Variants in ADK observed in about 807,000 individuals in gnomAD.
ADK encodes the protein N6,N6-dimethyladenosine kinase.
A neutral mutation model predicts 44.7 loss-of-function variants in ADK; 24 were observed. The ratio of observed to expected loss-of-function variants is 0.54; its 90% CI spans 0.39 to 0.76. The LOEUF (loss-of-function observed/expected upper bound fraction) is 0.76, where lower values mean the gene tolerates loss of function less well. Ranked by LOEUF, ADK falls within the 30% of genes least tolerant of loss-of-function variation. The probability of loss-of-function intolerance (pLI) is 0.00; values close to 1 mark genes in which losing one functional copy is unlikely to be tolerated. For missense variants in ADK, 321 were observed against 425.1 expected, an observed-to-expected ratio of 0.76 and a Z score of 2.15; for synonymous variants, 128 against 142.6, an observed-to-expected ratio of 0.90 and a Z score of 0.73.
Position 74,443,818 on chromosome 10 carries a change from A to G in ADK, c.555+45239A>G, listed in dbSNP as rs374822174. ...GGAGATTAATATTTAAACGTACATT[A>G]TAATATGAAAGGCATGAATTTAGAT... On this transcript the variant is annotated intron_variant, in intron 6 of 10. Coordinates refer to ENST00000539909, the MANE Select transcript of ADK (RefSeq NM_006721.4). Among the ~76,000 whole-genome samples, 178 of 152,304 alleles carry G rather than the reference A, an allele frequency of 1.2e-3. 4 individuals carry two copies. The South Asian group carries it at 0.034, about 29-fold the overall frequency.
At chr10:74,705,642 C>T (rs1219516686) in intron 10 of ADK, among the ~76,000 whole-genome samples, 4 of 152,202 alleles carry the variant, frequency 2.6e-5, no homozygotes, top group Non-Finnish European at 2.9e-5. Flanking sequence ...CTTTCACCTA[C>T]CTTGGGTAAA....
chr10:74,689,048 G>A (rs1855890914), intron 10 of ADK, among the ~76,000 whole-genome samples: 3 of 152,072 alleles, frequency 2.0e-5, no homozygotes, highest in Non-Finnish European at 2.9e-5. Context: ...AGGAGATCGA[G>A]ACCATCCTGG....
At chr10:74,494,777 C>A (rs1354808353) in intron 6 of ADK, among the ~76,000 whole-genome samples, 1 of 152,166 alleles carries the variant, frequency 6.6e-6, no homozygotes, top group Non-Finnish European at 1.5e-5. Flanking sequence ...ATTCTCCTGC[C>A]TCAGCCTCCC....
Position 74,419,222 on chromosome 10 carries a change from C to T in ADK, c.555+20643C>T, listed in dbSNP as rs532877237. Among the ~76,000 whole-genome samples the T allele has an allele frequency of 5.7e-4, 87 of 152,110 alleles. No individual in the cohort carries two copies. In the Middle Eastern group the frequency reaches 0.014, roughly 24 times the overall value. ...CCTCCCCAACAACAGTATTTTAGTG[C>T]AAGACTCAATATGCAAAGCACTCTA... On this transcript the variant is annotated intron_variant, in intron 6 of 10. Coordinates refer to ENST00000539909, the MANE Select transcript of ADK (RefSeq NM_006721.4).
intron 10 of ADK, among the ~76,000 whole-genome samples, chr10:74,684,790 A>G (rs909737294): frequency 6.6e-6 from 1 of 152,276 alleles, no homozygotes; most frequent in African/African-American, 2.4e-5. Flanking sequence ...AAAATAAAAC[A>G]TGTCTTTGTA....
chr10:74,581,045 C>T (rs1030747639), intron 7 of ADK, among the ~76,000 whole-genome samples: 7 of 151,754 alleles, frequency 4.6e-5, no homozygotes, highest in African/African-American at 1.7e-4. Context: ...CACACACACA[C>T]ACACACACAC....
intron 6 of ADK, among the ~76,000 whole-genome samples, chr10:74,473,051 G>A (rs1261614737): frequency 6.6e-6 from 1 of 151,962 alleles, no homozygotes; most frequent in East Asian, 1.9e-4. Context: ...AGACAGTGAT[G>A]TGATCATGGC....
intron 3 of ADK, among the ~76,000 whole-genome samples, chr10:74,269,449 GA>G (rs1443407618): frequency 6.6e-6 from 1 of 152,108 alleles, no homozygotes; most frequent in African/African-American, 2.4e-5. Flanking sequence ...AACATATAAA[GA>G]ACTTATTTTT....
intron 8 of ADK, among the ~76,000 whole-genome samples, 176 bp downstream of exon 8, chr10:74,589,493 G>A (rs1366679732): frequency 6.6e-6 from 1 of 152,064 alleles, no homozygotes; most frequent in Admixed American, 6.6e-5. Context: ...GTGTTATGAC[G>A]CACTCTGCTA....
chr10:74,480,657 C>T lies in ADK; in HGVS notation c.556-44599C>T, dbSNP rs570672860. On this transcript the variant is annotated intron_variant, in intron 6 of 10. Coordinates refer to ENST00000539909, the MANE Select transcript of ADK (RefSeq NM_006721.4). Reference sequence around the variant, plus strand: ...CTTTTTGCCTGTAGGCCTGAAAATACTGTTTCATCATTAAGGTCTAATAAT... The same window carrying T: ...CTTTTTGCCTGTAGGCCTGAAAATATTGTTTCATCATTAAGGTCTAATAAT... Among the ~76,000 whole-genome samples the T allele has an allele frequency of 2.0e-5, 3 of 152,214 alleles. No homozygotes were observed. In the South Asian group the frequency reaches 6.2e-4, roughly 32 times the overall value.
In ADK at chr10:74,330,009, A is replaced by T. The variant is rs559340234; in HGVS notation, c.273+15264A>T. Among the ~76,000 whole-genome samples the T allele has an allele frequency of 3.6e-4, 54 of 152,002 alleles. 1 individual carries two copies. Among genetic ancestry groups the T allele is most frequent in the East Asian group, 3.3e-3 (17 of 5,172 alleles). On this transcript the variant is annotated intron_variant, in intron 4 of 10. Transcript: ENST00000539909. ...AAACCCTGTCTCTACAAATAATAAAAAAAAAAAAATTAGCCAGGCACGGTG... is the reference window on the plus strand; with the variant it reads ...AAACCCTGTCTCTACAAATAATAAATAAAAAAAAATTAGCCAGGCACGGTG...
intron 9 of ADK, among the ~76,000 whole-genome samples, chr10:74,624,825 G>C (rs1853122490): frequency 6.6e-6 from 1 of 151,980 alleles, no homozygotes; most frequent in Admixed American, 6.6e-5. Flanking sequence ...AAAATATTTG[G>C]TAAAATGAAT....
chr10:74,474,369 C>T (rs1354806686), intron 6 of ADK, among the ~76,000 whole-genome samples: 2 of 152,230 alleles, frequency 1.3e-5, no homozygotes, highest in African/African-American at 4.8e-5. Context: ...TCCCAAAGTG[C>T]TGAGATCACA....
chr10:74,394,304 G>T lies in ADK; in HGVS notation c.437G>T (p.Gly146Val). 6.2e-7 allele frequency: 1 copy of T among 1,613,806 alleles called. No individual in the cohort carries two copies. Residue 146 changes from glycine to valine, a missense_variant, in exon 5 of 11, where the codon GGT (glycine) becomes GTT (valine). Transcript: ENST00000539909. ...PTGTCAACIT[G>V]DNRSLIANLA... ...GGAACTTGTGCTGCATGCATCACTG[G>T]TGACAACAGGTCAGTGTAATTCCAA... is the stretch of plus-strand genomic sequence containing the variant.
chr10:74,561,918 T>G (rs951622768), intron 7 of ADK, among the ~76,000 whole-genome samples: 1 of 152,130 alleles, frequency 6.6e-6, no homozygotes, highest in African/African-American at 2.4e-5. Context: ...ATTCCTAGAG[T>G]TTACCAACTA....
At chr10:74,207,309 A>G (rs953412820) in intron 2 of ADK, among the ~76,000 whole-genome samples, 10 of 152,166 alleles carry the variant, frequency 6.6e-5, no homozygotes, top group Admixed American at 1.3e-4. Context: ...GGCTCTCAGA[A>G]GGGCTGCAGC....
chr10:74,259,461 T>A (rs1050842794), intron 3 of ADK, among the ~76,000 whole-genome samples: 5 of 145,220 alleles, frequency 3.4e-5, no homozygotes, highest in Non-Finnish European at 7.6e-5. Flanking sequence ...TTTTCCTTTT[T>A]TTTTTTTTTT....
At chr10:74,430,471 T>C (rs933416970) in intron 6 of ADK, among the ~76,000 whole-genome samples, 3 of 152,144 alleles carry the variant, frequency 2.0e-5, no homozygotes, top group Non-Finnish European at 4.4e-5. Context: ...ACACCAATTT[T>C]TGGCTGGGCG....
intron 9 of ADK, among the ~76,000 whole-genome samples, chr10:74,657,704 C>T (rs1854538747): frequency 6.6e-6 from 1 of 152,040 alleles, no homozygotes; most frequent in Non-Finnish European, 1.5e-5. Context: ...AATTGAGCAC[C>T]TACTCTGTAC....
Sources: gnomAD v4.1 joint callset for allele counts (sites outside exome capture counted in the v4.1 genomes callset) on GRCh38, gnomAD v4.1.1 for gene constraint, MANE v1.5 for transcripts, NCBI Gene and HGNC (gene_info 2026-07-23, HGNC 2026-07-21) for gene names.